GTF3C1: variants seen among roughly 807,000 people sequenced by gnomAD.
The protein encoded by GTF3C1 is general transcription factor 3C polypeptide 1.
GTF3C1 carries 57 observed loss-of-function variants against 226.7 expected under a neutral mutation model. The ratio of observed to expected loss-of-function variants is 0.25; its 90% CI spans 0.20 to 0.31. The LOEUF is 0.31. GTF3C1 is among the 10% of genes least tolerant of loss of function. The probability of loss-of-function intolerance (pLI) is 1.00; values close to 1 mark genes in which losing one functional copy is unlikely to be tolerated. For synonymous variants in GTF3C1, 1,090 were observed against 1,084.8 expected, an observed-to-expected ratio of 1.00 and a Z score of -0.09; for missense variants, 2,217 against 2,776.1, an observed-to-expected ratio of 0.80 and a Z score of 4.53.
chr16:27,475,520 G>A (rs1423065650), intron 29 of GTF3C1, among the ~76,000 whole-genome samples: 1 of 152,112 alleles, frequency 6.6e-6, no homozygotes, highest in African/African-American at 2.4e-5. Context: ...GGCAGCACTG[G>A]CAGGGGACCC....
Position 27,462,530 on chromosome 16 carries a change from G to C in GTF3C1, c.5925-44C>G, listed in dbSNP as rs768299354. Reference sequence around the variant, plus strand: ...ACATCAGGGCTTGGTGGGGGCAGGAGGGCAGCTCGTCCAGACAGAACACTG... The same window carrying C: ...ACATCAGGGCTTGGTGGGGGCAGGACGGCAGCTCGTCCAGACAGAACACTG... On this transcript the variant is annotated intron_variant, in intron 35 of 36. Coordinates refer to ENST00000356183, the MANE Select transcript of GTF3C1 (RefSeq NM_001520.4). The surrounding 1 kb of genome is among the most constrained non-coding windows in gnomAD (Gnocchi z 4.5). 1.3e-6 allele frequency: 2 copies of C among 1,497,318 alleles called. No homozygotes were observed. Among genetic ancestry groups the C allele is most frequent in the African/African-American group, 1.4e-5 (1 of 72,804 alleles). The allele number at this position is 1,497,318 out of a possible 1,614,324, so 92.8% of individuals were successfully genotyped here.
At position 27,470,125 on chromosome 16, in the gene GTF3C1, C is replaced by T; in HGVS notation, c.4797G>A (p.Glu1599=). The change falls in exon 31 of 37, where the codon GAG becomes GAA. Residue 1599 remains glutamate (E), a synonymous_variant. Transcript: ENST00000356183. This position sits in a 1 kb window ranked among gnomAD's most constrained non-coding sequence, Gnocchi z 4.9. ...QIIVVDSSMV[E]NEVIKSLGKD... ...ACTCTTACCTTTTGATGACCTCATT[C>T]TCCACCATTGAGCTGTCTACCACGA... The T allele has an allele frequency of 4.3e-6, 7 of 1,613,624 alleles. No homozygotes were observed. Among genetic ancestry groups the T allele is most frequent in the Non-Finnish European group, 5.9e-6 (7 of 1,179,720 alleles).
At chr16:27,505,847 G>A (rs1217492839) in intron 10 of GTF3C1, 52 bp downstream of exon 10, 3 of 992,376 alleles carry the variant, frequency 3.0e-6, no homozygotes, top group East Asian at 2.4e-5. Context: ...CAGAAACGAT[G>A]AGGCCACAGA....
intron 11 of GTF3C1, 70 bp downstream of exon 11, chr16:27,502,789 G>A: frequency 6.6e-7 from 1 of 1,503,924 alleles, no homozygotes; most frequent in African/African-American, 1.4e-5. Flanking sequence ...TCCATGGCTT[G>A]TGATGACCAA....
At chr16:27,498,501 C>G in intron 13 of GTF3C1, 129 bp downstream of exon 13, 1 of 705,602 alleles carries the variant, frequency 1.4e-6, no homozygotes, top group South Asian at 1.6e-5. Flanking sequence ...AGATCATGAA[C>G]CATGAACTCC....
At chr16:27,489,330 T>C (rs768758772) in intron 20 of GTF3C1, 152 bp from the exon 21 acceptor site, 225 of 820,368 alleles carry the variant, frequency 2.7e-4, no homozygotes, top group Non-Finnish European at 3.7e-4. Flanking sequence ...TTGGGGGCCC[T>C]AAGTGTTGAC....
Position 27,507,286 on chromosome 16 carries a change from G to C in GTF3C1, c.1243-130C>G. 1.5e-6 allele frequency: 1 copy of C among 684,248 alleles called. No individual in the cohort carries two copies. Among genetic ancestry groups the C allele is most frequent in the Admixed American group, 2.8e-5 (1 of 36,120 alleles). The allele number at this position is 684,248 out of a possible 1,614,324, so 42.4% of individuals were successfully genotyped here. On this transcript the variant is annotated intron_variant, in intron 8 of 36. Transcript: ENST00000356183. The surrounding 1 kb of genome is among the most constrained non-coding windows in gnomAD (Gnocchi z 4.9). ...CTCCTGTCTTACTGCCTGGGCCCTG[G>C]GTTGGGCACCACTGATGCTCCCTCC...
At chr16:27,481,253 G>C in intron 26 of GTF3C1, 62 bp from the exon 27 acceptor site, 1 of 1,384,064 alleles carries the variant, frequency 7.2e-7, no homozygotes, top group Non-Finnish European at 1.0e-6. Context: ...GTTTTGCTAA[G>C]ATGCACCAAG....
At chr16:27,485,929 G>A (rs1198641855) in intron 24 of GTF3C1, 68 bp downstream of exon 24, 22 of 1,078,370 alleles carry the variant, frequency 2.0e-5, no homozygotes, top group South Asian at 1.5e-4. Context: ...GGGAGTCCCC[G>A]GAAGGCTCAG....
intron 25 of GTF3C1, 94 bp from the exon 26 acceptor site, chr16:27,483,219 T>A: frequency 8.3e-7 from 1 of 1,206,862 alleles, no homozygotes; most frequent in Non-Finnish European, 1.2e-6. Flanking sequence ...TTTCTGGCCT[T>A]GGCCGACCTT....
chr16:27,489,297 C>T (rs1245484334), intron 20 of GTF3C1, 119 bp from the exon 21 acceptor site: 2 of 1,113,906 alleles, frequency 1.8e-6, no homozygotes, highest in Non-Finnish European at 2.6e-6. Flanking sequence ...CAGAAAAACA[C>T]CCCACAGGTA....
At chr16:27,490,444 G>A (rs1056924621) in intron 19 of GTF3C1, among the ~76,000 whole-genome samples, 22 of 152,240 alleles carry the variant, frequency 1.4e-4, no homozygotes, top group African/African-American at 3.9e-4. Context: ...GGTGGGGCCC[G>A]GGGCAGTGGG....
At chr16:27,476,189 T>TA (rs2087947393) in intron 29 of GTF3C1, among the ~76,000 whole-genome samples, 1 of 152,256 alleles carries the variant, frequency 6.6e-6, no homozygotes, top group Non-Finnish European at 1.5e-5. Flanking sequence ...ATGGATGTGC[T>TA]AATTGGCTTG....
At chr16:27,542,786 C>T (rs992471924) in intron 2 of GTF3C1, among the ~76,000 whole-genome samples, 1 of 152,218 alleles carries the variant, frequency 6.6e-6, no homozygotes, top group Non-Finnish European at 1.5e-5. Flanking sequence ...CACATGTTCA[C>T]TGTCCCTCGG....
chr16:27,477,557 G>A (rs1466428894), intron 28 of GTF3C1, among the ~76,000 whole-genome samples: 3 of 152,178 alleles, frequency 2.0e-5, no homozygotes, highest in South Asian at 2.1e-4. Context: ...CGCCGGCAGC[G>A]CCCTCCCAAA....
intron 4 of GTF3C1, among the ~76,000 whole-genome samples, chr16:27,534,515 T>A (rs1350241686): frequency 6.6e-6 from 1 of 152,226 alleles, no homozygotes. Flanking sequence ...TATGAGCCAC[T>A]CTGCATAGAA....
intron 4 of GTF3C1, among the ~76,000 whole-genome samples, chr16:27,536,325 GCTGA>G (rs1370712166): frequency 5.3e-5 from 8 of 152,224 alleles, no homozygotes; most frequent in Non-Finnish European, 1.2e-4. Flanking sequence ...GGGCACGGTG[GCTGA>G]CGCCTGTAAT....
At position 27,486,096 on chromosome 16, in the gene GTF3C1, A is replaced by G. The variant is rs775228663; in HGVS notation, c.3759T>C (p.Ser1253=). The G allele has an allele frequency of 6.2e-7, 1 of 1,606,768 alleles. No homozygotes were observed. Among genetic ancestry groups the G allele is most frequent in the Non-Finnish European group, 8.5e-7 (1 of 1,173,508 alleles). Residue 1253 remains serine, a synonymous_variant, in exon 24 of 37, where the codon AGT becomes AGC. Transcript: ENST00000356183. ...RLRYHDEADQ[S]ALQRMTRLRV... is the part of the protein sequence containing the mutation. ...GAAGCCGCGTCATCCGCTGCAGGGC[A>G]CTCTGGTCGGCTTCATCATGGTAGC...
At chr16:27,512,707 G>A (rs1469111122) in intron 6 of GTF3C1, among the ~76,000 whole-genome samples, 3 of 152,312 alleles carry the variant, frequency 2.0e-5, no homozygotes, top group Middle Eastern at 3.4e-3. Context: ...CGGCTATAAC[G>A]AGAGAAAGAT....
Sources: allele counts gnomAD v4.1 joint callset (sites outside exome capture counted in the v4.1 genomes callset), GRCh38; gene constraint gnomAD v4.1.1; non-coding constraint Gnocchi (gnomAD v3.1); transcripts MANE v1.5; gene names NCBI Gene and HGNC (gene_info 2026-07-23, HGNC 2026-07-21).